Variants in C6 observed in about 807,000 individuals in gnomAD.
C6 encodes the protein complement component C6.
C6 carries 101 observed loss-of-function variants against 112.9 expected under a neutral mutation model. The observed-to-expected ratio is 0.89, with a 90% CI of 0.76 to 1.06. The LOEUF is 1.06. Among genes scored for constraint, C6 ranks in the 50% least tolerant of loss-of-function variants. The pLI, the probability that C6 is intolerant of heterozygous loss-of-function variation, is 0.00. For missense variants in C6, 1,202 were observed against 1,104.6 expected (o/e 1.09, Z -1.25); for synonymous variants, 431 against 384.1 (o/e 1.12, Z -1.43).
intron 1 of C6, among the ~76,000 whole-genome samples, chr5:41,208,125 G>T (rs1256641485): frequency 6.6e-6 from 1 of 152,148 alleles, no homozygotes; most frequent in African/African-American, 2.4e-5. Flanking sequence ...TGACTACTGG[G>T]TACATAACGA....
Position 41,176,664 on chromosome 5 carries a change from T to A in C6, c.979A>T (p.Thr327Ser), listed in dbSNP as rs762559923. 3 of 1,613,220 alleles carry A rather than the reference T, an allele frequency of 1.9e-6. No homozygotes were observed. The Admixed American group carries it at 5.0e-5, about 27-fold the overall frequency. ...GAAAGGTGCAGATCTTTAGCTTTCG[T>A]TGTGAAGTTTAAGACTTTCATCACT... The part of the protein sequence containing the change: ...HKVMKVLNFT[T>S]KAKDLHLSDV... The change falls in exon 8 of 18, where the codon ACG becomes TCG. Residue 327 changes from threonine to serine, a missense_variant. Coordinates refer to ENST00000337836, the MANE Select transcript of C6 (RefSeq NM_000065.5).
chr5:41,193,709 T>C (rs1027770876), intron 5 of C6, among the ~76,000 whole-genome samples: 6 of 152,090 alleles, frequency 3.9e-5, no homozygotes, highest in African/African-American at 7.2e-5. Flanking sequence ...TAGTGACTGA[T>C]GTTGGCAATG....
At chr5:41,143,579 A>G (rs958062253) in intron 17 of C6, among the ~76,000 whole-genome samples, 10 of 152,216 alleles carry the variant, frequency 6.6e-5, no homozygotes, top group Non-Finnish European at 1.2e-4. Flanking sequence ...GAACCCTTAC[A>G]GCAAACATAT....
chr5:41,207,247 A>C (rs955150387), intron 1 of C6, among the ~76,000 whole-genome samples: 9 of 152,146 alleles, frequency 5.9e-5, no homozygotes, highest in African/African-American at 2.2e-4. Flanking sequence ...TAGAAAGGAA[A>C]AACTGGTACC....
At chr5:41,224,919 TC>T (rs1739394938) in intron 1 of C6, among the ~76,000 whole-genome samples, 1 of 152,296 alleles carries the variant, frequency 6.6e-6, no homozygotes, top group African/African-American at 2.4e-5. Context: ...CTTGTTATTT[TC>T]TTTTTTTTCT....
intron 1 of C6, among the ~76,000 whole-genome samples, chr5:41,258,850 G>A (rs1741874231): frequency 6.6e-6 from 1 of 152,144 alleles, no homozygotes; most frequent in Non-Finnish European, 1.5e-5. Flanking sequence ...GACACTTATA[G>A]AAGCATCAGA....
intron 15 of C6, among the ~76,000 whole-genome samples, chr5:41,152,267 C>A (rs180814854): frequency 1.3e-5 from 2 of 151,548 alleles, no homozygotes; most frequent in East Asian, 3.9e-4. Flanking sequence ...AATAGCATGT[C>A]GGTGAGGGAG....
intron 1 of C6, among the ~76,000 whole-genome samples, chr5:41,247,371 A>G (rs577039781): frequency 6.6e-6 from 1 of 152,280 alleles, no homozygotes; most frequent in Non-Finnish European, 1.5e-5. Flanking sequence ...AATAAATAAC[A>G]TTACTATACA....
chr5:41,200,733 A>T (rs1167646077), intron 3 of C6, among the ~76,000 whole-genome samples: 4 of 152,066 alleles, frequency 2.6e-5, no homozygotes, highest in Non-Finnish European at 4.4e-5. Flanking sequence ...TGGTGGGTAA[A>T]TATTTCAATG....
chr5:41,206,647 G>A (rs1473834038), intron 1 of C6, among the ~76,000 whole-genome samples: 1 of 152,166 alleles, frequency 6.6e-6, no homozygotes, highest in East Asian at 1.9e-4. Context: ...TCAAATGAAT[G>A]AAATGAAGTG....
chr5:41,148,360 A>T (rs905179754), intron 17 of C6, among the ~76,000 whole-genome samples: 2 of 152,194 alleles, frequency 1.3e-5, no homozygotes, highest in Non-Finnish European at 2.9e-5. Flanking sequence ...TAACATGTAG[A>T]GTATGCTCCG....
Position 41,142,899 on chromosome 5 carries a change from T to C in C6, c.2731A>G (p.Ile911Val). The change falls in exon 18 of 18, where the codon ATC (isoleucine) becomes GTC (valine). Residue 911 changes from isoleucine (I) to valine (V), a missense_variant. Ile to Val is a conservative substitution (Grantham distance 29). Transcript: ENST00000337836. ...CATCTTATAGTTCCCACTTCACAGA[T>C]GTTCAATGTTTTCTCACTTGTTGAT... Reference protein sequence around the residue: ...GSSTSEKTLNICEVGTIRCAN... With the variant: ...GSSTSEKTLNVCEVGTIRCAN... The C allele has an allele frequency of 6.2e-7, 1 of 1,613,632 alleles. No homozygotes were observed. Among genetic ancestry groups the C allele is most frequent in the Non-Finnish European group, 8.5e-7 (1 of 1,179,646 alleles).
chr5:41,207,615 T>C (rs1751541816), intron 1 of C6, among the ~76,000 whole-genome samples: 1 of 151,712 alleles, frequency 6.6e-6, no homozygotes, highest in African/African-American at 2.4e-5. Flanking sequence ...CCAACAAAGA[T>C]CAAAAGAGAC....
At chr5:41,216,654 T>C (rs1271450745), upstream of C6, among the ~76,000 whole-genome samples, 2 of 152,194 alleles carry the variant, frequency 1.3e-5, no homozygotes, top group South Asian at 4.1e-4. Context: ...CTTTTATCTT[T>C]GAAGTATCTC....
rs1747160489 is a variant in C6 at position 41,158,703 on chromosome 5, G to T, written c.1939C>A (p.Pro647Thr). The change falls in exon 13 of 18, where the codon CCA (proline) becomes ACA (threonine). Residue 647 changes from proline to threonine, a missense_variant. Pro to Thr is a conservative substitution (Grantham distance 38). Transcript: ENST00000337836. Reference sequence around the variant, plus strand: ...ATAAATCCATTTTCTGGAGGAACTGGCTGAGGACACCCGGAATCTGCTTCT... The same window carrying T: ...ATAAATCCATTTTCTGGAGGAACTGTCTGAGGACACCCGGAATCTGCTTCT... Reference protein sequence around the residue: ...EIEADSGCPQPVPPENGFIRN... With the variant: ...EIEADSGCPQTVPPENGFIRN... 3.1e-6 allele frequency: 5 copies of T among 1,609,294 alleles called. No homozygotes were observed. The African/African-American group carries it at 4.0e-5, about 13-fold the overall frequency.
intron 1 of C6, among the ~76,000 whole-genome samples, chr5:41,252,970 G>C (rs1288699809): frequency 2.0e-5 from 3 of 152,098 alleles, no homozygotes; most frequent in Non-Finnish European, 2.9e-5. Flanking sequence ...CAACCACCTT[G>C]GGCACATGTT....
chr5:41,165,287 T>C (rs73753105), intron 9 of C6, among the ~76,000 whole-genome samples: 3,877 of 152,254 alleles, frequency 0.025, 168 homozygotes, highest in African/African-American at 0.088. Context: ...TTGGCGCATA[T>C]CTATTAGTAG....
At position 41,253,969 on chromosome 5, in the gene C6, C is replaced by T. The variant is rs556395727; in HGVS notation, c.-21+7225G>A. ...CAAGTTCTCTAAGTATAGATCCCAA[C>T]CTTAAAAGTTGCAAATATGGGCAAA... is the stretch of plus-strand genomic sequence containing the variant. On this transcript the variant is annotated intron_variant, in intron 1 of 17. Transcript: ENST00000263413. Among the ~76,000 whole-genome samples, 19 of 152,242 alleles carry T rather than the reference C, an allele frequency of 1.2e-4. No homozygotes were observed. In the South Asian group the frequency reaches 2.3e-3, roughly 18 times the overall value.
At chr5:41,180,019 A>G (rs1318801501) in intron 7 of C6, among the ~76,000 whole-genome samples, 2 of 152,186 alleles carry the variant, frequency 1.3e-5, no homozygotes, top group Non-Finnish European at 2.9e-5. Flanking sequence ...AAATGCGTAT[A>G]TGAATTTCAA....
Sources: allele counts gnomAD v4.1 joint callset (sites outside exome capture counted in the v4.1 genomes callset), GRCh38; gene constraint gnomAD v4.1.1; transcripts MANE v1.5; gene names NCBI Gene and HGNC (gene_info 2026-07-23, HGNC 2026-07-21).